ZDHHC14: variants seen among roughly 807,000 people sequenced by gnomAD.
ZDHHC14 encodes the protein zDHHC palmitoyltransferase 14, also known as palmitoyltransferase ZDHHC14.
Under a neutral mutation model 47.7 loss-of-function variants are expected in ZDHHC14, and 16 were observed. The observed-to-expected ratio is 0.34, with a 90% CI of 0.23 to 0.51. ZDHHC14 has a LOEUF of 0.51. Ranked by LOEUF, ZDHHC14 falls within the 20% of genes least tolerant of loss-of-function variation. The pLI is 0.97. For missense variants in ZDHHC14, 515 were observed against 662.5 expected (o/e 0.78, Z 2.44); for synonymous variants, 293 against 278.9 (o/e 1.05, Z -0.50).
In ZDHHC14 at chr6:157,673,334, G is replaced by A; in HGVS notation, c.*212G>A. On this transcript the variant is annotated 3_prime_UTR_variant, in exon 9 of 9. Transcript: ENST00000359775. The surrounding 1 kb of genome is among the most constrained non-coding windows in gnomAD (Gnocchi z 5.4). The stretch of plus-strand genomic sequence containing the variant: ...TCATTTGAATTTTCTTCCCCAACCT[G>A]AGTGCTTTGACAACAATGGAAATAG... 3.3e-6 allele frequency: 2 copies of A among 606,828 alleles called. No individual in the cohort carries two copies. The highest frequency in any genetic ancestry group is 5.3e-6 in the Non-Finnish European group (2 of 373,846). The allele number at this position is 606,828 out of a possible 1,614,324, so 37.6% of individuals were successfully genotyped here.
chr6:157,407,672 C>T (rs1777791158), intron 1 of ZDHHC14, among the ~76,000 whole-genome samples: 1 of 152,130 alleles, frequency 6.6e-6, no homozygotes, highest in Admixed American at 6.5e-5. Context: ...GTGCTTTGGC[C>T]ATGTGATTAC....
intron 1 of ZDHHC14, among the ~76,000 whole-genome samples, chr6:157,535,698 C>T (rs538121162): frequency 1.4e-4 from 21 of 152,262 alleles, no homozygotes; most frequent in South Asian, 2.1e-4. Flanking sequence ...TTTCCAGGCA[C>T]GGGGTCCTGC....
intron 1 of ZDHHC14, among the ~76,000 whole-genome samples, chr6:157,465,319 A>T (rs1779186381): frequency 6.6e-6 from 1 of 152,128 alleles, no homozygotes; most frequent in Non-Finnish European, 1.5e-5. Flanking sequence ...AACTAAAAAC[A>T]TCTTAATTTT....
intron 1 of ZDHHC14, among the ~76,000 whole-genome samples, chr6:157,397,514 C>G (rs1003704209): frequency 6.6e-6 from 1 of 152,154 alleles, no homozygotes; most frequent in African/African-American, 2.4e-5. Context: ...TGTCTTCCTT[C>G]CATCATCACA....
chr6:157,406,168 GC>G (rs1405075798), intron 1 of ZDHHC14, among the ~76,000 whole-genome samples: 1 of 152,212 alleles, frequency 6.6e-6, no homozygotes, highest in African/African-American at 2.4e-5. Flanking sequence ...CAGGCCTGAG[GC>G]CCTGAACAGG....
chr6:157,617,588 A>G (rs1206377468), intron 3 of ZDHHC14, among the ~76,000 whole-genome samples: 1 of 152,180 alleles, frequency 6.6e-6, no homozygotes, highest in African/African-American at 2.4e-5. Flanking sequence ...CAACTTTCTC[A>G]CCATGTATAC....
chr6:157,603,944 A>G lies in ZDHHC14; in HGVS notation c.565+10798A>G, dbSNP rs537035463. 2.0e-5 allele frequency among the ~76,000 whole-genome samples: 3 copies of G among 152,316 alleles called. No individual in the cohort carries two copies. The South Asian group carries it at 6.2e-4, about 32-fold the overall frequency. On this transcript the variant is annotated intron_variant, in intron 3 of 8. Transcript: ENST00000359775. ...CCTCAAGAGGGAGAGAAGTGAATACATTTGGCTCTCTGTATTCATGGGTTC... is the reference window on the plus strand; with the variant it reads ...CCTCAAGAGGGAGAGAAGTGAATACGTTTGGCTCTCTGTATTCATGGGTTC...
intron 4 of ZDHHC14, chr6:157,630,387 T>C (rs1785628034): frequency 6.6e-6 from 1 of 152,114 alleles, no homozygotes; most frequent in Non-Finnish European, 1.5e-5. Context: ...CAAGGGCCAG[T>C]TGCCACGTGC....
In ZDHHC14 at chr6:157,677,510, A is replaced by G. The variant is rs1778989185; in HGVS notation, c.*4388A>G. On this transcript the variant is annotated 3_prime_UTR_variant, in exon 9 of 9. Transcript: ENST00000359775. The stretch of plus-strand genomic sequence containing the variant: ...CCATTAAAAGTAGTTGGGAGATTGA[A>G]GATTAGATGGTTTCTGGAGCAACCG... 1 of 152,138 alleles carries G rather than the reference A, an allele frequency of 6.6e-6. No homozygotes were observed. Among genetic ancestry groups the G allele is most frequent in the African/African-American group, 2.4e-5 (1 of 41,408 alleles). The allele number at this position is 152,138 out of a possible 1,614,324, so 9.4% of individuals were successfully genotyped here.
intron 1 of ZDHHC14, among the ~76,000 whole-genome samples, chr6:157,500,909 G>A (rs1281128186): frequency 4.6e-5 from 7 of 152,280 alleles, no homozygotes; most frequent in East Asian, 1.9e-4. Flanking sequence ...AACCACAGCC[G>A]ATGTTCCTTA....
At chr6:157,449,266 C>G (rs1447694951) in intron 1 of ZDHHC14, among the ~76,000 whole-genome samples, 1 of 152,136 alleles carries the variant, frequency 6.6e-6, no homozygotes, top group Non-Finnish European at 1.5e-5. Context: ...ATGAGTTTCC[C>G]ACCAAACATA....
intron 1 of ZDHHC14, among the ~76,000 whole-genome samples, chr6:157,518,677 A>G (rs771722238): frequency 1.5e-5 from 2 of 136,392 alleles, no homozygotes; most frequent in South Asian, 2.7e-4. Flanking sequence ...ACGGTGCCCA[A>G]TTTTTCCAGT....
At position 157,586,756 on chromosome 6, in the gene ZDHHC14, G is replaced by A. The variant is rs1783714250; in HGVS notation, c.407-6232G>A. 2.0e-5 allele frequency among the ~76,000 whole-genome samples: 3 copies of A among 152,108 alleles called. No homozygotes were observed. The highest frequency in any genetic ancestry group is 4.1e-4 in the South Asian group (2 of 4,822). The stretch of plus-strand genomic sequence containing the variant: ...GGTTGACTTTTTTCATGGCATCGCT[G>A]GGCCCTGAATCCAGGTCTTCTGATC... On this transcript the variant is annotated intron_variant, in intron 2 of 8. Transcript: ENST00000359775. The surrounding 1 kb of genome is among the most constrained non-coding windows in gnomAD (Gnocchi z 4.6).
At chr6:157,467,201 G>A (rs1333531213) in intron 1 of ZDHHC14, among the ~76,000 whole-genome samples, 1 of 152,042 alleles carries the variant, frequency 6.6e-6, no homozygotes, top group Non-Finnish European at 1.5e-5. Context: ...GCCCTTTTAA[G>A]GTACACAATT....
intron 4 of ZDHHC14, chr6:157,631,341 A>G (rs1261446521): frequency 2.6e-5 from 4 of 152,256 alleles, no homozygotes; most frequent in Non-Finnish European, 5.9e-5. Flanking sequence ...ACACAAAAGT[A>G]TTAAGAATTT....
intron 6 of ZDHHC14, among the ~76,000 whole-genome samples, 197 bp from the exon 7 acceptor site, chr6:157,647,062 T>C (rs955181962): frequency 1.3e-5 from 2 of 152,254 alleles, no homozygotes; most frequent in African/African-American, 4.8e-5. Context: ...AGAATGTTAT[T>C]CTTTCCCTAT....
At chr6:157,411,436 A>G (rs1421286493) in intron 1 of ZDHHC14, among the ~76,000 whole-genome samples, 1 of 152,182 alleles carries the variant, frequency 6.6e-6, no homozygotes, top group Non-Finnish European at 1.5e-5. Context: ...AATTGTGCAT[A>G]AGGATATATC....
intron 1 of ZDHHC14, among the ~76,000 whole-genome samples, chr6:157,534,952 A>G (rs973029390): frequency 6.6e-6 from 1 of 152,194 alleles, no homozygotes; most frequent in Non-Finnish European, 1.5e-5. Context: ...ATTCACTAGT[A>G]AGCTCTTGTA....
chr6:157,393,034 C>A lies in ZDHHC14; in HGVS notation c.245+10768C>A, dbSNP rs143346722. Among the ~76,000 whole-genome samples the A allele has an allele frequency of 8.5e-4, 129 of 152,200 alleles. 1 individual carries two copies. The highest frequency in any genetic ancestry group is 2.1e-3 in the Admixed American group (32 of 15,286). On this transcript the variant is annotated intron_variant, in intron 1 of 8. Coordinates refer to ENST00000359775, the MANE Select transcript of ZDHHC14 (RefSeq NM_024630.3). Reference sequence around the variant, plus strand: ...AGCTGGGATTATAGGCGTGCACCATCACACCCAGCTAATTTTGTATTTTTA... The same window carrying A: ...AGCTGGGATTATAGGCGTGCACCATAACACCCAGCTAATTTTGTATTTTTA...
Sources: gnomAD v4.1 joint callset for allele counts (sites outside exome capture counted in the v4.1 genomes callset) on GRCh38, gnomAD v4.1.1 for gene constraint, Gnocchi (gnomAD v3.1) non-coding constraint, MANE v1.5 for transcripts, NCBI Gene and HGNC (gene_info 2026-07-23, HGNC 2026-07-21) for gene names.